The following TENM2 variants were observed in gnomAD, a reference collection of about 807,000 sequenced individuals.
TENM2 encodes teneurin-2.
A neutral mutation model predicts 245.2 loss-of-function variants in TENM2; 52 were observed. The observed-to-expected ratio is 0.21, with a 90% CI of 0.17 to 0.27. TENM2 has a LOEUF of 0.27. Ranked by LOEUF, TENM2 falls within the 10% of genes least tolerant of loss-of-function variation. TENM2 has a pLI of 1.00. For synonymous variants in TENM2, 1,363 were observed against 1,438.9 expected (o/e 0.95, Z 1.19); for missense variants, 3,046 against 3,666.8 (o/e 0.83, Z 4.37).
At chr5:168,093,597 T>A (rs1793130427) in intron 8 of TENM2, among the ~76,000 whole-genome samples, 1 of 152,158 alleles carries the variant, frequency 6.6e-6, no homozygotes, top group Non-Finnish European at 1.5e-5. Context: ...GGGAAGTCTT[T>A]TGATGTGTTT....
At chr5:166,988,863 A>G in the TENM2 span, among the ~76,000 whole-genome samples, 1 of 152,148 alleles carries the variant, frequency 6.6e-6, no homozygotes, top group Non-Finnish European at 1.5e-5. Flanking sequence ...CTGGCTCACC[A>G]TTGAAAGTTC....
chr5:167,321,436 G>A (rs1756715136), intron 1 of TENM2, among the ~76,000 whole-genome samples: 1 of 152,100 alleles, frequency 6.6e-6, no homozygotes, highest in African/African-American at 2.4e-5. Context: ...TATATGGAGT[G>A]GAGACATTTT....
In TENM2 at chr5:167,747,375, G is replaced by T. The variant is rs143195707; in HGVS notation, c.503-128611G>T. On this transcript the variant is annotated intron_variant, in intron 2 of 28. Coordinates refer to ENST00000518659, the Ensembl canonical transcript of TENM2. The stretch of plus-strand genomic sequence containing the variant: ...AAAGATTGGCAATTTCTCTATCAAG[G>T]CTGGGTAACCTCATATATCAATTCT... Among the ~76,000 whole-genome samples the T allele has an allele frequency of 4.0e-3, 604 of 152,198 alleles. 5 individuals are homozygous for T. Among genetic ancestry groups the T allele is most frequent in the African/African-American group, 0.014 (572 of 41,538 alleles).
intron 2 of TENM2, among the ~76,000 whole-genome samples, chr5:167,550,024 T>A (rs1377611963): frequency 6.6e-6 from 1 of 152,210 alleles, no homozygotes; most frequent in Non-Finnish European, 1.5e-5. Context: ...AGAAATTGCC[T>A]GTTTCAGGCT....
chr5:167,220,503 C>G, the TENM2 span, among the ~76,000 whole-genome samples: 966 of 152,220 alleles, frequency 6.3e-3, 8 homozygotes, highest in Non-Finnish European at 9.2e-3. Flanking sequence ...GTATAATAAA[C>G]CTATTAGATT....
the TENM2 span, among the ~76,000 whole-genome samples, chr5:167,106,047 TTGAAAATAAGAA>T: frequency 6.6e-6 from 1 of 152,058 alleles, no homozygotes; most frequent in African/African-American, 2.4e-5. Flanking sequence ...TTGCTCTCTT[TTGAAAATAAGAA>T]CACATTTCCT....
At chr5:167,878,669 T>C (rs1008247517) in intron 3 of TENM2, among the ~76,000 whole-genome samples, 3 of 152,122 alleles carry the variant, frequency 2.0e-5, no homozygotes, top group African/African-American at 7.2e-5. Context: ...TTGAATGCAG[T>C]TGTCATGAAT....
rs540955721 is a variant in TENM2 at position 168,177,384 on chromosome 5, G to A, written c.2570-12953G>A. ...TGATTATTTTTATTTTACAGATGAA[G>A]GAACCAAGACTCAGAGAGGTAAAGT... On this transcript the variant is annotated intron_variant, in intron 13 of 28. Coordinates refer to ENST00000518659, the Ensembl canonical transcript of TENM2. Among the ~76,000 whole-genome samples, 8 of 152,320 alleles carry A rather than the reference G, an allele frequency of 5.3e-5. No individual in the cohort carries two copies. In the East Asian group the frequency reaches 1.4e-3, roughly 26 times the overall value.
At chr5:167,607,049 G>T (rs1457506441) in intron 2 of TENM2, among the ~76,000 whole-genome samples, 1 of 152,086 alleles carries the variant, frequency 6.6e-6, no homozygotes, top group African/African-American at 2.4e-5. Flanking sequence ...TAGCTTAAGG[G>T]TCACAAATTT....
the TENM2 span, among the ~76,000 whole-genome samples, chr5:167,069,216 TAAC>T: frequency 6.6e-6 from 1 of 152,208 alleles, no homozygotes; most frequent in Non-Finnish European, 1.5e-5. Context: ...TGAATGAAGA[TAAC>T]AACATCTTGC....
At chr5:167,012,025 G>A in the TENM2 span, among the ~76,000 whole-genome samples, 4 of 151,958 alleles carry the variant, frequency 2.6e-5, no homozygotes, top group East Asian at 3.9e-4. Flanking sequence ...TTCTTCTTAC[G>A]GATTTGTGGC....
chr5:167,220,635 G>T, the TENM2 span, among the ~76,000 whole-genome samples: 1 of 152,112 alleles, frequency 6.6e-6, no homozygotes, highest in Non-Finnish European at 1.5e-5. Flanking sequence ...AATCATAAGG[G>T]CCGGAGAGGA....
At chr5:166,980,514 C>T in the TENM2 span, among the ~76,000 whole-genome samples, 6,001 of 152,126 alleles carry the variant, frequency 0.039, 378 homozygotes, top group African/African-American at 0.13. Flanking sequence ...CTCTTTAATG[C>T]ATTCATATCA....
At chr5:167,242,625 T>C in the TENM2 span, among the ~76,000 whole-genome samples, 12 of 152,334 alleles carry the variant, frequency 7.9e-5, no homozygotes, top group South Asian at 2.5e-3. Context: ...TTTCACTTAA[T>C]GAATAGTAAA....
intron 2 of TENM2, among the ~76,000 whole-genome samples, chr5:167,672,350 AGATT>A (rs1046388797): frequency 6.6e-6 from 1 of 152,070 alleles, no homozygotes; most frequent in Non-Finnish European, 1.5e-5. Context: ...TAAAAAAGAT[AGATT>A]GATTAGAACC....
chr5:167,077,243 G>C, the TENM2 span, among the ~76,000 whole-genome samples: 5 of 152,198 alleles, frequency 3.3e-5, no homozygotes, highest in Non-Finnish European at 7.3e-5. Context: ...ACTAATATAG[G>C]ATGCCTGTGG....
At chr5:167,697,538 AT>A (rs56978585) in intron 2 of TENM2, among the ~76,000 whole-genome samples, 21 of 151,504 alleles carry the variant, frequency 1.4e-4, no homozygotes, top group Non-Finnish European at 2.2e-4. Context: ...AGAGTTATCA[AT>A]TTTTTTTTGA....
intron 5 of TENM2, among the ~76,000 whole-genome samples, chr5:168,030,960 T>A (rs182296222): frequency 6.6e-6 from 1 of 152,306 alleles, no homozygotes; most frequent in East Asian, 1.9e-4. Flanking sequence ...CTGAGACTCT[T>A]TTTGTGGTAA....
At chr5:167,888,410 T>C (rs1478230186) in intron 3 of TENM2, among the ~76,000 whole-genome samples, 4 of 152,072 alleles carry the variant, frequency 2.6e-5, no homozygotes, top group African/African-American at 9.7e-5. Flanking sequence ...AATTAACAAA[T>C]AGTGCATGCA....
Sources: gnomAD v4.1 joint callset for allele counts (sites outside exome capture counted in the v4.1 genomes callset) on GRCh38, gnomAD v4.1.1 for gene constraint, MANE v1.5 for transcripts, NCBI Gene and HGNC (gene_info 2026-07-23, HGNC 2026-07-21) for gene names.